CALN1: variants seen among roughly 807,000 people sequenced by gnomAD.
The protein encoded by CALN1 is calneuron 1, also known as calcium-binding protein 8.
A neutral mutation model predicts 30.6 loss-of-function variants in CALN1; 17 were observed. The observed-to-expected ratio is 0.56, with a 90% CI of 0.38 to 0.83. The LOEUF is 0.83. Ranked by LOEUF, CALN1 falls within the 40% of genes least tolerant of loss-of-function variation. The pLI, the probability that CALN1 is intolerant of heterozygous loss-of-function variation, is 0.00. For synonymous variants in CALN1, 156 were observed against 131.4 expected (o/e 1.19, Z -1.28); for missense variants, 291 against 354.9 (o/e 0.82, Z 1.45).
intron 5 of CALN1, among the ~76,000 whole-genome samples, chr7:72,022,673 C>A (rs1329552950): frequency 6.6e-6 from 1 of 152,172 alleles, no homozygotes; most frequent in Non-Finnish European, 1.5e-5. Flanking sequence ...GAACTACAGG[C>A]ATGAGCCACC....
chr7:72,118,027 A>G (rs1049300921), intron 3 of CALN1, among the ~76,000 whole-genome samples: 16 of 151,352 alleles, frequency 1.1e-4, no homozygotes, highest in Non-Finnish European at 2.2e-4. Flanking sequence ...AGTGTTGGGG[A>G]AAAAGGTGCA....
the CALN1 span, among the ~76,000 whole-genome samples, chr7:72,487,867 AG>A: frequency 1.7e-4 from 12 of 72,264 alleles, no homozygotes; most frequent in African/African-American, 1.1e-3. Flanking sequence ...AAAGAAAGAA[AG>A]AAAGAAAGAA....
chr7:72,211,359 C>T (rs1792381751), intron 3 of CALN1, among the ~76,000 whole-genome samples: 1 of 152,160 alleles, frequency 6.6e-6, no homozygotes, highest in African/African-American at 2.4e-5. Context: ...CCGCCCATTC[C>T]CTTCCTATTA....
At position 72,403,400 on chromosome 7, in the gene CALN1, GT is replaced by G; in HGVS notation, c.-32del. On this transcript the variant is annotated 5_prime_UTR_variant, in exon 2 of 7. An upstream open reading frame in the 5' UTR loses its in-frame stop. Coordinates refer to ENST00000395275, the MANE Select transcript of CALN1 (RefSeq NM_031468.4). Reference sequence around the variant, plus strand: ...GTCCAGGGCGATGTTCTCAGAGAGAGTTAGAAGCTCATCAAAGGAACGTCAG... The same window carrying G: ...GTCCAGGGCGATGTTCTCAGAGAGAGTAGAAGCTCATCAAAGGAACGTCAG... 6.6e-7 allele frequency: 1 copy of G among 1,510,702 alleles called. No individual in the cohort carries two copies. Among genetic ancestry groups the G allele is most frequent in the East Asian group, 2.5e-5 (1 of 40,638 alleles). The allele number at this position is 1,510,702 out of a possible 1,614,324, so 93.6% of individuals were successfully genotyped here. A position where few individuals can be genotyped will look rare whatever the true frequency, so the allele number is the denominator to read the frequency against.
intron 3 of CALN1, among the ~76,000 whole-genome samples, chr7:72,216,762 T>G (rs1469994779): frequency 6.6e-6 from 1 of 152,202 alleles, no homozygotes; most frequent in Non-Finnish European, 1.5e-5. Context: ...CATTGTTTTT[T>G]GGTGGGGGAG....
At chr7:72,265,834 G>A (rs1056466054) in intron 3 of CALN1, among the ~76,000 whole-genome samples, 1 of 151,952 alleles carries the variant, frequency 6.6e-6, no homozygotes, top group African/African-American at 2.4e-5. Flanking sequence ...CTGTTGGGAA[G>A]GCTTTCTAAA....
At chr7:72,091,504 G>C (rs1805859562) in intron 4 of CALN1, among the ~76,000 whole-genome samples, 1 of 151,960 alleles carries the variant, frequency 6.6e-6, no homozygotes, top group Admixed American at 6.6e-5. Context: ...AATATCACAT[G>C]TACCCCATAA....
the CALN1 span, among the ~76,000 whole-genome samples, chr7:72,491,226 C>CAAAAAA: frequency 1.5e-5 from 2 of 132,188 alleles, no homozygotes; most frequent in Non-Finnish European, 1.6e-5. Flanking sequence ...GACTCCGTCT[C>CAAAAAA]AAAAAAAAAA....
At chr7:72,058,310 CTTTTTTTTTTTT>C (rs3065011) in intron 4 of CALN1, among the ~76,000 whole-genome samples, 2 of 70,746 alleles carry the variant, frequency 2.8e-5, no homozygotes, top group East Asian at 4.1e-4. Flanking sequence ...AAGCTGGAAT[CTTTTTTTTTTTT>C]TTTTTTTTTT....
chr7:72,351,495 C>A (rs1802914122), intron 2 of CALN1, among the ~76,000 whole-genome samples: 1 of 152,114 alleles, frequency 6.6e-6, no homozygotes, highest in Admixed American at 6.5e-5. Flanking sequence ...AAAAATATTA[C>A]CCAATGCATT....
At position 71,948,750 on chromosome 7, in the gene CALN1, A is replaced by G. The variant is rs532604993; in HGVS notation, c.501+74907T>C. Among the ~76,000 whole-genome samples the G allele has an allele frequency of 2.7e-3, 382 of 143,938 alleles. 4 individuals are homozygous for G. The highest frequency in any genetic ancestry group is 9.5e-3 in the African/African-American group (372 of 39,348). 94.4% of individuals were successfully genotyped at this position (143,938 alleles called of 152,430 possible). A position where few individuals can be genotyped will look rare whatever the true frequency, so the allele number is the denominator to read the frequency against. Reference sequence around the variant, plus strand: ...TGTCTCAAAAAAAAAAAAAATAATAATTTGTTTTCAGCCAGGTGCAGTGGC... The same window carrying G: ...TGTCTCAAAAAAAAAAAAAATAATAGTTTGTTTTCAGCCAGGTGCAGTGGC... On this transcript the variant is annotated intron_variant, in intron 5 of 6. Transcript: ENST00000395275.
chr7:72,334,522 A>ACCCCCCCCCCCC (rs199877727), intron 2 of CALN1, among the ~76,000 whole-genome samples: 7 of 151,454 alleles, frequency 4.6e-5, no homozygotes, highest in African/African-American at 1.7e-4. Context: ...CTCAACCTGT[A>ACCCCCCCCCCCC]CCCCCCCTCC....
chr7:72,037,189 C>T (rs1449511228), intron 4 of CALN1, among the ~76,000 whole-genome samples: 11 of 151,700 alleles, frequency 7.3e-5, no homozygotes, highest in Non-Finnish European at 2.9e-5. Flanking sequence ...CTCGCACTGT[C>T]ACCCAGGCTG....
At chr7:72,325,733 C>G (rs988620317) in intron 2 of CALN1, among the ~76,000 whole-genome samples, 45 of 152,044 alleles carry the variant, frequency 3.0e-4, no homozygotes, top group Non-Finnish European at 7.4e-5. Context: ...AAAAGAAAAC[C>G]ACCCATCTCT....
chr7:72,198,496 G>A (rs1040278309), intron 3 of CALN1, among the ~76,000 whole-genome samples: 15 of 151,980 alleles, frequency 9.9e-5, no homozygotes, highest in Admixed American at 8.5e-4. Flanking sequence ...TCCTGACATC[G>A]AACTCTCCCA....
rs573865832 is a variant in CALN1 at position 72,016,535 on chromosome 7, C to G, written c.501+7122G>C. Among the ~76,000 whole-genome samples the G allele has an allele frequency of 2.7e-4, 41 of 151,894 alleles. No homozygotes were observed. The South Asian group carries it at 7.7e-3, about 29-fold the overall frequency. On this transcript the variant is annotated intron_variant, in intron 5 of 6. Coordinates refer to ENST00000395275, the MANE Select transcript of CALN1 (RefSeq NM_031468.4). ...CACTGCAGCCTCAACCTCCTGGGCT[C>G]AGGCAATCCTCCTGCCTCAGCCTCC...
intron 5 of CALN1, among the ~76,000 whole-genome samples, chr7:71,906,526 C>T (rs917525142): frequency 4.6e-5 from 7 of 152,082 alleles, no homozygotes; most frequent in African/African-American, 1.4e-4. Context: ...AAAGCTTGGA[C>T]GGGCTCATTC....
chr7:72,376,304 T>G (rs1804550747), intron 2 of CALN1, among the ~76,000 whole-genome samples: 2 of 152,230 alleles, frequency 1.3e-5, no homozygotes, highest in African/African-American at 4.8e-5. Context: ...GTTTACCCTT[T>G]GAGGAATGCC....
chr7:72,075,107 C>T (rs189759384), intron 4 of CALN1, among the ~76,000 whole-genome samples: 28 of 152,306 alleles, frequency 1.8e-4, no homozygotes, highest in African/African-American at 6.3e-4. Flanking sequence ...CAAGAAAAGA[C>T]TGAGGTCCCA....
Sources: gnomAD v4.1 joint callset for allele counts (sites outside exome capture counted in the v4.1 genomes callset) on GRCh38, gnomAD v4.1.1 for gene constraint, MANE v1.5 for transcripts, NCBI Gene and HGNC (gene_info 2026-07-23, HGNC 2026-07-21) for gene names.